GSKIP: variants seen among roughly 807,000 people sequenced by gnomAD.
GSKIP encodes the protein GSK3B-interacting protein.
A neutral mutation model predicts 11.9 loss-of-function variants in GSKIP; 5 were observed. The observed-to-expected ratio is 0.42, with a 90% confidence interval of 0.22 to 0.89. The LOEUF is 0.89. Among genes scored for constraint, GSKIP ranks in the 40% least tolerant of loss-of-function variants. The probability of loss-of-function intolerance (pLI) is 0.29; values close to 1 mark genes in which losing one functional copy is unlikely to be tolerated. For synonymous variants in GSKIP, 70 were observed against 62.9 expected, an observed-to-expected ratio of 1.11 and a Z score of -0.54; for missense variants, 150 against 166.6, an observed-to-expected ratio of 0.90 and a Z score of 0.55.
chr14:96,378,459 T>A (rs1408807042), intron 1 of GSKIP, among the ~76,000 whole-genome samples: 1 of 152,162 alleles, frequency 6.6e-6, no homozygotes, highest in Non-Finnish European at 1.5e-5. Flanking sequence ...TGAGAAAAGG[T>A]AAGGAAACAG....
At chr14:96,377,670 G>A (rs1262157264) in intron 1 of GSKIP, among the ~76,000 whole-genome samples, 1 of 152,176 alleles carries the variant, frequency 6.6e-6, no homozygotes, top group African/African-American at 2.4e-5. Flanking sequence ...CTTCTCAAGT[G>A]TCGGTCAACA....
intron 1 of GSKIP, among the ~76,000 whole-genome samples, chr14:96,377,382 C>T (rs1406182968): frequency 1.3e-5 from 2 of 152,180 alleles, no homozygotes; most frequent in African/African-American, 4.8e-5. Context: ...AACCTGATGG[C>T]AGTTCTAAAG....
In GSKIP at chr14:96,382,381, T is replaced by A; in HGVS notation, c.134T>A (p.Leu45His). ...GCTGAAGCAGTTGTAAATGATGTTCTCTTTGCTGTTAACAACATGTTTGTC... is the reference window on the plus strand; with the variant it reads ...GCTGAAGCAGTTGTAAATGATGTTCACTTTGCTGTTAACAACATGTTTGTC... ...LEAEAVVNDVLFAVNNMFVSK... is the reference protein window; with the variant it reads ...LEAEAVVNDVHFAVNNMFVSK... Residue 45 changes from leucine (L) to histidine (H), a missense_variant, in exon 3 of 4, where the codon CTC (leucine) becomes CAC (histidine). Physicochemically the swap from Leu to His is moderately conservative, Grantham distance 99 (BLOSUM62 -3). Transcript: ENST00000555181. The A allele has an allele frequency of 6.2e-7, 1 of 1,614,048 alleles. No homozygotes were observed. The highest frequency in any genetic ancestry group is 8.5e-7 in the Non-Finnish European group (1 of 1,179,940).
At chr14:96,371,067 T>TA (rs1270241155) in intron 1 of GSKIP, among the ~76,000 whole-genome samples, 4 of 152,228 alleles carry the variant, frequency 2.6e-5, no homozygotes, top group Non-Finnish European at 5.9e-5. Context: ...TCAAAACAAA[T>TA]ACATCTGTAA....
At chr14:96,382,988 C>T (rs973239770) in intron 3 of GSKIP, among the ~76,000 whole-genome samples, 2 of 152,142 alleles carry the variant, frequency 1.3e-5, no homozygotes. Context: ...TCCCATTAAC[C>T]CTTTATTATG....
intron 1 of GSKIP, among the ~76,000 whole-genome samples, chr14:96,375,007 T>C (rs1889159065): frequency 6.6e-6 from 1 of 152,176 alleles, no homozygotes; most frequent in South Asian, 2.1e-4. Flanking sequence ...AGTTTATAAT[T>C]TATGTAGAAG....
intron 1 of GSKIP, among the ~76,000 whole-genome samples, chr14:96,378,508 T>TGAC (rs1284319924): frequency 1.3e-5 from 2 of 152,216 alleles, no homozygotes; most frequent in Non-Finnish European, 2.9e-5. Flanking sequence ...ACAGACCTGC[T>TGAC]GACATCTTGC....
At chr14:96,381,136 A>G (rs1889335239) in intron 2 of GSKIP, among the ~76,000 whole-genome samples, 1 of 152,238 alleles carries the variant, frequency 6.6e-6, no homozygotes, top group African/African-American at 2.4e-5. Flanking sequence ...GTACATTCCA[A>G]AGCACTTTCA....
chr14:96,378,073 T>C (rs927841201), intron 1 of GSKIP, among the ~76,000 whole-genome samples: 3 of 152,190 alleles, frequency 2.0e-5, no homozygotes, highest in Admixed American at 2.0e-4. Context: ...AAATAAATTA[T>C]GGCCAAGCGC....
In GSKIP at chr14:96,385,495, T is replaced by C. The variant is rs761676591; in HGVS notation, c.259-28T>C. 21 of 1,582,728 alleles carry C rather than the reference T, an allele frequency of 1.3e-5. No individual in the cohort carries two copies. The South Asian group carries it at 1.9e-4, about 14-fold the overall frequency. On this transcript the variant is annotated intron_variant, in intron 3 of 3. Transcript: ENST00000555181. ...CTTTCTGTACCAACATGAAAACTAA[T>C]GAATTCACTGTTGCATTTCTCTTGT...
At position 96,386,537 on chromosome 14, in the gene GSKIP, C is replaced by G. The variant is rs1889495140; in HGVS notation, c.*853C>G. On this transcript the variant is annotated 3_prime_UTR_variant, in exon 4 of 4. Transcript: ENST00000555181. ...TCTGAATGTGTGTTTACATAATGTA[C>G]AGTATATATTCAGAAAGTATTTTTG... The G allele has an allele frequency of 2.0e-5, 3 of 152,602 alleles. No homozygotes were observed. The highest frequency in any genetic ancestry group is 2.0e-4 in the Admixed American group (3 of 15,280). 9.5% of individuals were successfully genotyped at this position (152,602 alleles called of 1,614,324 possible).
rs1280722248 is a variant in GSKIP at position 96,386,216 on chromosome 14, T to C, written c.*532T>C. On this transcript the variant is annotated 3_prime_UTR_variant, in exon 4 of 4. Coordinates refer to ENST00000555181, the MANE Select transcript of GSKIP (RefSeq NM_016472.5). ...TCACTTAATCTATTTATATTACTAA[T>C]AATGGATTAATAAAGATGAATTAAT... 2 of 152,408 alleles carry C rather than the reference T, an allele frequency of 1.3e-5. No individual in the cohort carries two copies. The highest frequency in any genetic ancestry group is 3.8e-4 in the East Asian group (2 of 5,204). The allele number at this position is 152,408 out of a possible 1,614,324, so 9.4% of individuals were successfully genotyped here. A position where few individuals can be genotyped will look rare whatever the true frequency, so the allele number is the denominator to read the frequency against.
At chr14:96,374,669 CAT>C (rs1889147905) in intron 1 of GSKIP, among the ~76,000 whole-genome samples, 1 of 151,890 alleles carries the variant, frequency 6.6e-6, no homozygotes, top group African/African-American at 2.4e-5. Context: ...ATCCAAGAAA[CAT>C]ATTTAAAGAC....
intron 1 of GSKIP, among the ~76,000 whole-genome samples, chr14:96,376,478 A>T (rs1345391293): frequency 1.3e-5 from 2 of 152,184 alleles, no homozygotes; most frequent in East Asian, 1.9e-4. Flanking sequence ...CCATTACGTC[A>T]TAGATTATAG....
chr14:96,384,693 C>T (rs530721598), intron 3 of GSKIP: 2 of 151,374 alleles, frequency 1.3e-5, no homozygotes, highest in South Asian at 4.2e-4. Context: ...TCTGTTATGT[C>T]CTCTATCTAA....
At chr14:96,371,550 T>G (rs1188522522) in intron 1 of GSKIP, among the ~76,000 whole-genome samples, 3 of 151,422 alleles carry the variant, frequency 2.0e-5, no homozygotes, top group African/African-American at 7.3e-5. Flanking sequence ...GTTCAAGAGA[T>G]TCTCCCGCCT....
At chr14:96,383,340 G>A (rs1393964326) in intron 3 of GSKIP, among the ~76,000 whole-genome samples, 1 of 151,704 alleles carries the variant, frequency 6.6e-6, no homozygotes. Context: ...GTTCGAGGTT[G>A]CAGTGAGCTA....
chr14:96,386,919 A>C lies in GSKIP; in HGVS notation c.*1235A>C. 1 of 152,542 alleles carries C rather than the reference A, an allele frequency of 6.6e-6. No homozygotes were observed. The highest frequency in any genetic ancestry group is 1.9e-4 in the East Asian group (1 of 5,204). The allele number at this position is 152,542 out of a possible 1,614,324, so 9.4% of individuals were successfully genotyped here. ...GAACTAAAATTTTGCATCTGGTCATACCTTCATGCATTTATCATTTGCAGA... is the reference window on the plus strand; with the variant it reads ...GAACTAAAATTTTGCATCTGGTCATCCCTTCATGCATTTATCATTTGCAGA... On this transcript the variant is annotated 3_prime_UTR_variant, in exon 4 of 4. Transcript: ENST00000555181.
chr14:96,376,929 AATG>A (rs917697077), intron 1 of GSKIP, among the ~76,000 whole-genome samples: 1 of 109,108 alleles, frequency 9.2e-6, no homozygotes, highest in African/African-American at 2.7e-5. Flanking sequence ...TATTTGAAAC[AATG>A]ATGATTGATT....
Sources: allele counts gnomAD v4.1 joint callset (sites outside exome capture counted in the v4.1 genomes callset), GRCh38; gene constraint gnomAD v4.1.1; transcripts MANE v1.5; gene names NCBI Gene and HGNC (gene_info 2026-07-23, HGNC 2026-07-21).